MEGF11: variants seen among roughly 807,000 people sequenced by gnomAD.
MEGF11 encodes multiple epidermal growth factor-like domains protein 11.
MEGF11 carries 126 observed loss-of-function variants against 146.6 expected under a neutral mutation model. The observed-to-expected ratio is 0.86, with a 90% CI of 0.74 to 1.00. MEGF11 has a LOEUF of 1.00. Ranked by LOEUF, MEGF11 falls within the 50% of genes least tolerant of loss-of-function variation. MEGF11 has a pLI of 0.00. For synonymous variants in MEGF11, 532 were observed against 583.4 expected (o/e 0.91, Z 1.27); for missense variants, 1,509 against 1,521.2 (o/e 0.99, Z 0.13).
intron 1 of MEGF11, among the ~76,000 whole-genome samples, chr15:66,210,698 C>T (rs562000127): frequency 9.3e-4 from 142 of 152,276 alleles, no homozygotes; most frequent in Middle Eastern, 3.4e-3. Flanking sequence ...CTGGGGAAAC[C>T]GAGGCCCAGG....
intron 1 of MEGF11, among the ~76,000 whole-genome samples, chr15:66,241,703 G>A (rs922871649): frequency 6.6e-6 from 1 of 152,004 alleles, no homozygotes; most frequent in African/African-American, 2.4e-5. Flanking sequence ...GAGATCTCTG[G>A]GCATACCAGC....
rs1410539262 is a variant in MEGF11, at chr15:66,119,166, T to TA, written c.220dup (p.Tyr74LeufsTer21). Reference sequence around the variant, plus strand: ...GTACATGGTCCGGAGGCCTCTCCGATACGCCGTCTTATAACTGATCCTAAG... The same window carrying TA: ...GTACATGGTCCGGAGGCCTCTCCGATAACGCCGTCTTATAACTGATCCTAAG... On this transcript the variant is annotated frameshift_variant, in exon 4 of 26. Coordinates refer to ENST00000395614, the MANE Select transcript of MEGF11 (RefSeq NM_001385028.1). LOFTEE classifies it high-confidence loss of function. 2.6e-6 allele frequency: 4 copies of TA among 1,551,454 alleles called. No individual in the cohort carries two copies. In the African/African-American group the frequency reaches 4.1e-5, roughly 16 times the overall value.
intron 1 of MEGF11, among the ~76,000 whole-genome samples, chr15:66,151,119 G>A (rs954529089): frequency 1.3e-5 from 2 of 152,282 alleles, no homozygotes; most frequent in Non-Finnish European, 2.9e-5. Context: ...GGAATTCCCT[G>A]AGTAGGAGAG....
intron 10 of MEGF11, among the ~76,000 whole-genome samples, chr15:65,940,698 A>G (rs185013498): frequency 6.6e-6 from 1 of 152,348 alleles, no homozygotes; most frequent in Admixed American, 6.5e-5. Context: ...CACTTGTCAT[A>G]TCCATCCCTG....
At chr15:66,165,403 C>A (rs1437114393) in intron 1 of MEGF11, among the ~76,000 whole-genome samples, 1 of 152,206 alleles carries the variant, frequency 6.6e-6, no homozygotes, top group African/African-American at 2.4e-5. Context: ...CTGACCTTGT[C>A]AAACAGCTTC....
intron 7 of MEGF11, among the ~76,000 whole-genome samples, chr15:65,974,079 TAATC>T (rs1296974813): frequency 2.6e-5 from 4 of 152,248 alleles, no homozygotes; most frequent in African/African-American, 9.6e-5. Context: ...TCCAATTAAT[TAATC>T]AATTAGTTCA....
intron 5 of MEGF11, among the ~76,000 whole-genome samples, chr15:66,033,905 C>T (rs2083627709): frequency 6.6e-6 from 1 of 152,228 alleles, no homozygotes. Flanking sequence ...AATTCTTTGC[C>T]TCAGCCTCCC....
chr15:65,996,985 C>G (rs1299528195), intron 5 of MEGF11, among the ~76,000 whole-genome samples: 1 of 152,214 alleles, frequency 6.6e-6, no homozygotes, highest in Non-Finnish European at 1.5e-5. Flanking sequence ...TCACATGGGC[C>G]CCACCTATCG....
intron 1 of MEGF11, among the ~76,000 whole-genome samples, chr15:66,230,107 A>G (rs1285377041): frequency 6.6e-6 from 1 of 152,178 alleles, no homozygotes; most frequent in Non-Finnish European, 1.5e-5. Flanking sequence ...TGTGTCCCGG[A>G]AAGGGCATCT....
chr15:65,971,440 C>T (rs563031180), intron 7 of MEGF11, among the ~76,000 whole-genome samples: 1 of 152,184 alleles, frequency 6.6e-6, no homozygotes, highest in Non-Finnish European at 1.5e-5. Flanking sequence ...TCTCTGCCCC[C>T]ACCTTGAATA....
chr15:66,247,762 C>T (rs541659463), intron 1 of MEGF11, among the ~76,000 whole-genome samples: 5 of 152,004 alleles, frequency 3.3e-5, no homozygotes, highest in African/African-American at 7.2e-5. Context: ...TTCAGCCGGG[C>T]GCAGTGGCTC....
intron 1 of MEGF11, among the ~76,000 whole-genome samples, chr15:66,147,271 T>G (rs2089408690): frequency 6.6e-6 from 1 of 152,160 alleles, no homozygotes; most frequent in African/African-American, 2.4e-5. Flanking sequence ...AATGGCACCT[T>G]ACATGGTTGC....
chr15:65,978,363 A>G (rs946807654), intron 7 of MEGF11, among the ~76,000 whole-genome samples: 1 of 152,252 alleles, frequency 6.6e-6, no homozygotes, highest in Non-Finnish European at 1.5e-5. Context: ...TGATTCATAC[A>G]AATCTGCAAG....
intron 1 of MEGF11, among the ~76,000 whole-genome samples, chr15:66,182,570 C>T (rs2090579836): frequency 6.6e-6 from 1 of 151,902 alleles, no homozygotes; most frequent in Admixed American, 6.6e-5. Context: ...GTATTATTCG[C>T]AGGGAGAAAA....
intron 1 of MEGF11, among the ~76,000 whole-genome samples, chr15:66,167,194 TAAAG>T (rs2090120276): frequency 6.6e-6 from 1 of 151,226 alleles, no homozygotes. Flanking sequence ...ACCCTGGGGG[TAAAG>T]AAAGAAAGTG....
chr15:66,018,385 C>T (rs1038818398), intron 5 of MEGF11, among the ~76,000 whole-genome samples: 4 of 152,234 alleles, frequency 2.6e-5, no homozygotes, highest in Non-Finnish European at 4.4e-5. Context: ...CTAGGCTCTC[C>T]CCTCCGACTC....
intron 1 of MEGF11, among the ~76,000 whole-genome samples, chr15:66,218,785 T>C (rs2091650445): frequency 6.6e-6 from 1 of 152,014 alleles, no homozygotes; most frequent in Non-Finnish European, 1.5e-5. Flanking sequence ...AAAACCCGGA[T>C]GTTAGCCCCC....
intron 5 of MEGF11, among the ~76,000 whole-genome samples, chr15:66,031,337 T>C (rs1389006566): frequency 1.3e-5 from 2 of 152,166 alleles, no homozygotes; most frequent in Non-Finnish European, 2.9e-5. Context: ...CTTTGTGAGA[T>C]AGGGCATAGA....
chr15:66,101,020 TGGGTGAGC>T (rs1267464328), intron 4 of MEGF11, among the ~76,000 whole-genome samples: 4 of 66,124 alleles, frequency 6.0e-5, no homozygotes, highest in Non-Finnish European at 1.2e-4. Flanking sequence ...CGTGGGTGGG[TGGGTGAGC>T]GGGTGAGCAG....
Sources: allele counts gnomAD v4.1 joint callset (sites outside exome capture counted in the v4.1 genomes callset), GRCh38; gene constraint gnomAD v4.1.1; transcripts MANE v1.5; gene names NCBI Gene and HGNC (gene_info 2026-07-23, HGNC 2026-07-21).